The following FRMD4A variants were observed in gnomAD, a reference collection of about 807,000 sequenced individuals.
FRMD4A encodes FERM domain containing 4A.
In FRMD4A, 29 loss-of-function variants were observed where a neutral mutation model predicts 129.1. The ratio of observed to expected loss-of-function variants is 0.22; its 90% CI spans 0.17 to 0.31. FRMD4A has a LOEUF of 0.31. Among genes scored for constraint, FRMD4A ranks in the 10% least tolerant of loss-of-function variants. The pLI, the probability that FRMD4A is intolerant of heterozygous loss-of-function variation, is 1.00. For synonymous variants in FRMD4A, 634 were observed against 571.6 expected, an observed-to-expected ratio of 1.11 and a Z score of -1.56; for missense variants, 1,272 against 1,375.8, an observed-to-expected ratio of 0.92 and a Z score of 1.19.
At chr10:14,236,486 C>T (rs1366625243) in intron 2 of FRMD4A, among the ~76,000 whole-genome samples, 1 of 152,180 alleles carries the variant, frequency 6.6e-6, no homozygotes, top group Non-Finnish European at 1.5e-5. Context: ...CTGCTGCTGG[C>T]CCCATACCAC....
chr10:13,713,099 C>G (rs994607454), intron 12 of FRMD4A, among the ~76,000 whole-genome samples: 1 of 152,190 alleles, frequency 6.6e-6, no homozygotes, highest in Non-Finnish European at 1.5e-5. Context: ...TTTGGAGAAC[C>G]TCGTCTTCCC....
chr10:14,003,592 G>C (rs931306690), intron 2 of FRMD4A: 1 of 152,194 alleles, frequency 6.6e-6, no homozygotes, highest in African/African-American at 2.4e-5. Flanking sequence ...GTATTTGCAC[G>C]ACTGGGTCAG....
At chr10:13,842,245 G>T (rs2093978608) in intron 3 of FRMD4A, among the ~76,000 whole-genome samples, 1 of 152,172 alleles carries the variant, frequency 6.6e-6, no homozygotes, top group South Asian at 2.1e-4. Flanking sequence ...TCTCCTTCCT[G>T]TCTTCTGAGT....
rs1429238276 is a variant in FRMD4A, at chr10:14,206,820, A to AAAAAAAAAAG, written c.45+123237_45+123238insCTTTTTTTTT. 1.6e-3 allele frequency among the ~76,000 whole-genome samples: 204 copies of AAAAAAAAAAG among 127,482 alleles called. 12 individuals carry two copies. The South Asian group carries it at 0.032, about 20-fold the overall frequency. 83.6% of individuals were successfully genotyped at this position (127,482 alleles called of 152,430 possible). Reference sequence around the variant, plus strand: ...GTGAGACGCTATCTCAAAAAAAAAAAAGAGAGACAGAGAAACAAAATATTT... The same window carrying AAAAAAAAAAG: ...GTGAGACGCTATCTCAAAAAAAAAAAAAAAAAAAAGAGAGAGACAGAGAAACAAAATATTT... On this transcript the variant is annotated intron_variant, in intron 2 of 24. Coordinates refer to ENST00000357447, the MANE Select transcript of FRMD4A (RefSeq NM_018027.5).
chr10:13,684,974 G>T (rs532041701), intron 15 of FRMD4A: 1 of 983,590 alleles, frequency 1.0e-6, no homozygotes, highest in East Asian at 1.1e-4. Context: ...TGAGGAAAAG[G>T]TTAGAATTCT....
intron 3 of FRMD4A, among the ~76,000 whole-genome samples, chr10:13,835,465 G>A (rs535876952): frequency 6.6e-6 from 1 of 152,272 alleles, no homozygotes; most frequent in Admixed American, 6.5e-5. Flanking sequence ...CACAGCAGGC[G>A]GTGAGTCGCA....
At chr10:13,875,658 A>C (rs2094481529) in intron 2 of FRMD4A, among the ~76,000 whole-genome samples, 1 of 152,202 alleles carries the variant, frequency 6.6e-6, no homozygotes, top group South Asian at 2.1e-4. Context: ...ATACAAGAAA[A>C]TGAAAGAAAT....
chr10:14,087,865 C>T (rs1836384392), intron 2 of FRMD4A, among the ~76,000 whole-genome samples: 1 of 152,088 alleles, frequency 6.6e-6, no homozygotes, highest in Non-Finnish European at 1.5e-5. Context: ...ATTATTAAAA[C>T]AGAAGGGGAA....
intron 2 of FRMD4A, among the ~76,000 whole-genome samples, chr10:14,162,035 AATTT>A (rs1359502578): frequency 1.3e-5 from 2 of 150,946 alleles, no homozygotes; most frequent in Non-Finnish European, 2.9e-5. Flanking sequence ...TATTTTATAT[AATTT>A]ATTTAGACAA....
intron 2 of FRMD4A, among the ~76,000 whole-genome samples, chr10:13,894,570 TG>T (rs2094736687): frequency 1.3e-5 from 2 of 152,256 alleles, no homozygotes. Flanking sequence ...AGACTGCGGG[TG>T]GCTTCTCACT....
rs145610186 is a variant in FRMD4A, at chr10:13,823,917, G to A, written c.112-13009C>T. Among the ~76,000 whole-genome samples, 440 of 152,296 alleles carry A rather than the reference G, an allele frequency of 2.9e-3. 1 individual carries two copies. The highest frequency in any genetic ancestry group is 0.01 in the African/African-American group (421 of 41,560). On this transcript the variant is annotated intron_variant, in intron 3 of 24. Coordinates refer to ENST00000357447, the MANE Select transcript of FRMD4A (RefSeq NM_018027.5). ...CCACTTGCTACTTTTCCAGTGTAAC[G>A]GACGGAAGGTGTGGCTCGTATGACA... is the stretch of plus-strand genomic sequence containing the variant.
chr10:13,967,563 CA>C (rs1454667912), intron 2 of FRMD4A, among the ~76,000 whole-genome samples: 6 of 152,132 alleles, frequency 3.9e-5, no homozygotes, highest in Non-Finnish European at 1.5e-5. Flanking sequence ...AAAACAAAAA[CA>C]AAAAGCAGCT....
chr10:14,279,377 T>G (rs1371279628), intron 2 of FRMD4A, among the ~76,000 whole-genome samples: 1 of 151,968 alleles, frequency 6.6e-6, no homozygotes, highest in Non-Finnish European at 1.5e-5. Context: ...TTTTGTATTT[T>G]TAGTAGAGAT....
At chr10:13,663,611 T>C in intron 18 of FRMD4A, 102 bp from the exon 19 acceptor site, 1 of 712,662 alleles carries the variant, frequency 1.4e-6, no homozygotes, top group Non-Finnish European at 2.6e-6. Flanking sequence ...ACCTTTCTCT[T>C]CCTAACCAGA....
At chr10:14,164,664 C>T (rs954154250) in intron 2 of FRMD4A, among the ~76,000 whole-genome samples, 18 of 152,096 alleles carry the variant, frequency 1.2e-4, no homozygotes, top group African/African-American at 4.1e-4. Flanking sequence ...GGTTCAAAGC[C>T]CTGATTTCTC....
chr10:14,248,722 A>G (rs2132016948), intron 2 of FRMD4A, among the ~76,000 whole-genome samples: 1 of 152,338 alleles, frequency 6.6e-6, no homozygotes. Context: ...GCTTGCATTC[A>G]TGAGGTCATA....
intron 2 of FRMD4A, among the ~76,000 whole-genome samples, chr10:13,895,078 G>A (rs2094742307): frequency 6.6e-6 from 1 of 152,190 alleles, no homozygotes; most frequent in South Asian, 2.1e-4. Context: ...TAAACCTTTT[G>A]GGGCTTTTTA....
intron 13 of FRMD4A, among the ~76,000 whole-genome samples, 167 bp downstream of exon 13, chr10:13,706,870 T>C (rs2087508966): frequency 6.6e-6 from 1 of 151,910 alleles, no homozygotes; most frequent in Non-Finnish European, 1.5e-5. Context: ...ACACATGTAA[T>C]TGAAAAGAAA....
intron 2 of FRMD4A, among the ~76,000 whole-genome samples, chr10:14,113,706 G>C (rs955622975): frequency 6.6e-6 from 1 of 152,222 alleles, no homozygotes; most frequent in African/African-American, 2.4e-5. Context: ...CAAATCGAAG[G>C]CTATTTAGTA....
Sources: gnomAD v4.1 joint callset for allele counts (sites outside exome capture counted in the v4.1 genomes callset) on GRCh38, gnomAD v4.1.1 for gene constraint, MANE v1.5 for transcripts, NCBI Gene and HGNC (gene_info 2026-07-23, HGNC 2026-07-21) for gene names.